Variants in VPS8 observed in about 807,000 individuals in gnomAD.
VPS8 encodes the protein vacuolar protein sorting-associated protein 8 homolog.
VPS8 carries 129 observed loss-of-function variants against 216.4 expected under a neutral mutation model. That is an observed-to-expected ratio of 0.60 (90% confidence interval 0.52 to 0.69). The LOEUF (loss-of-function observed/expected upper bound fraction) is 0.69, where lower values mean the gene tolerates loss of function less well. Ranked by LOEUF, VPS8 falls within the 30% of genes least tolerant of loss-of-function variation. The pLI, the probability that VPS8 is intolerant of heterozygous loss-of-function variation, is 0.00. For synonymous variants in VPS8, 571 were observed against 565.4 expected, an observed-to-expected ratio of 1.01 and a Z score of -0.14; for missense variants, 1,531 against 1,683.5, an observed-to-expected ratio of 0.91 and a Z score of 1.59.
In VPS8 at chr3:184,964,603, CTATT is replaced by C. The variant is rs758274021; in HGVS notation, c.3273+47_3273+50del. On this transcript the variant is annotated intron_variant, in intron 38 of 47. Coordinates refer to ENST00000625842, the MANE Select transcript of VPS8 (RefSeq NM_001009921.3). ...TTTCATCATATTTCTGTCTATTCCT[CTATT>C]CATTCATGAATCCATCTTAATTATG... 77 of 1,236,788 alleles carry C rather than the reference CTATT, an allele frequency of 6.2e-5. 1 individual carries two copies. The highest frequency in any genetic ancestry group is 6.6e-6 in the Non-Finnish European group (6 of 905,276). 76.6% of individuals were successfully genotyped at this position (1,236,788 alleles called of 1,614,324 possible). A position where few individuals can be genotyped will look rare whatever the true frequency, so the allele number is the denominator to read the frequency against.
intron 25 of VPS8, 193 bp downstream of exon 25, chr3:184,901,165 A>G: frequency 1.8e-6 from 1 of 569,680 alleles, no homozygotes; most frequent in Non-Finnish European, 3.1e-6. Flanking sequence ...TCCCCTTTGT[A>G]CTTGATCCTT....
At chr3:184,888,479 A>G (rs1173539218) in intron 22 of VPS8, among the ~76,000 whole-genome samples, 2 of 152,096 alleles carry the variant, frequency 1.3e-5, no homozygotes, top group African/African-American at 4.8e-5. Flanking sequence ...TGCTAACCTG[A>G]CCCTATCTTT....
chr3:184,950,216 CTTTTTTTTTTTTTT>C (rs10700220), intron 36 of VPS8, among the ~76,000 whole-genome samples: 2 of 39,930 alleles, frequency 5.0e-5, no homozygotes, highest in African/African-American at 1.0e-4. Flanking sequence ...CAGTTTTCTG[CTTTTTTTTTTTTTT>C]TTTTTTTTTT....
intron 6 of VPS8, chr3:184,839,397 G>A (rs1450406440): frequency 1.6e-5 from 5 of 304,508 alleles, no homozygotes; most frequent in Non-Finnish European, 3.0e-5. Flanking sequence ...ACTTTGCCTG[G>A]ATCCCTGATT....
intron 21 of VPS8, among the ~76,000 whole-genome samples, chr3:184,881,443 G>C (rs937006979): frequency 3.3e-5 from 5 of 152,020 alleles, no homozygotes; most frequent in African/African-American, 1.2e-4. Context: ...TACCAGCTTT[G>C]TCAAAAATCA....
At chr3:184,951,649 G>A (rs575857809) in intron 36 of VPS8, among the ~76,000 whole-genome samples, 11 of 152,192 alleles carry the variant, frequency 7.2e-5, no homozygotes, top group Non-Finnish European at 1.5e-4. Flanking sequence ...CAGGGTTTGT[G>A]TGTGTGTTTC....
rs1165255623 is a variant in VPS8, at chr3:185,026,701, C to CTT, written c.4056+2336_4056+2337dup. Among the ~76,000 whole-genome samples, 727 of 85,908 alleles carry CTT rather than the reference C, an allele frequency of 8.5e-3. 2 individuals carry two copies. Among genetic ancestry groups the CTT allele is most frequent in the Non-Finnish European group, 0.01 (449 of 44,224 alleles). 56.4% of individuals were successfully genotyped at this position (85,908 alleles called of 152,430 possible). A position where few individuals can be genotyped will look rare whatever the true frequency, so the allele number is the denominator to read the frequency against. On this transcript the variant is annotated intron_variant, in intron 46 of 47. Coordinates refer to ENST00000625842, the MANE Select transcript of VPS8 (RefSeq NM_001009921.3). ...TGGGATTACAGGCATGAGCCACTGT[C>CTT]TTTTTTTTTTTTTTTTTTTTTTTTT...
chr3:184,994,526 T>C (rs1752363271), intron 43 of VPS8, among the ~76,000 whole-genome samples: 1 of 151,620 alleles, frequency 6.6e-6, no homozygotes, highest in African/African-American at 2.4e-5. Flanking sequence ...TTAATTTGTG[T>C]ACACACACAC....
chr3:185,034,806 C>G (rs963558749), intron 46 of VPS8, among the ~76,000 whole-genome samples: 1 of 151,916 alleles, frequency 6.6e-6, no homozygotes, highest in South Asian at 2.1e-4. Context: ...ATGAATGAAA[C>G]CAAGACTTGA....
At position 184,853,980 on chromosome 3, in the gene VPS8, T is replaced by C; in HGVS notation, c.945T>C (p.Phe315=). ...TGAAAGATCATCCCATCACACAGTT[T>C]TCATTATTGGCCATGGCATCCTTGA... ...PELKDHPITQ[F]SLLAMASLTK... The change falls in exon 12 of 48, where the codon TTT becomes TTC. Residue 315 remains phenylalanine, a synonymous_variant. Transcript: ENST00000625842. The C allele has an allele frequency of 1.2e-6, 2 of 1,613,736 alleles. No individual in the cohort carries two copies. The highest frequency in any genetic ancestry group is 4.5e-5 in the East Asian group (2 of 44,872).
At chr3:184,877,908 G>C (rs923827704) in intron 21 of VPS8, among the ~76,000 whole-genome samples, 5 of 152,170 alleles carry the variant, frequency 3.3e-5, no homozygotes, top group Non-Finnish European at 5.9e-5. Flanking sequence ...ACTGATTTGA[G>C]TTGCTAGCAG....
chr3:184,929,023 G>A (rs932050939), intron 32 of VPS8, among the ~76,000 whole-genome samples: 1 of 151,942 alleles, frequency 6.6e-6, no homozygotes, highest in Non-Finnish European at 1.5e-5. Flanking sequence ...TTTCTTATGT[G>A]ATACACTATT....
At chr3:185,040,439 C>T (rs1262107564) in intron 46 of VPS8, among the ~76,000 whole-genome samples, 1 of 152,154 alleles carries the variant, frequency 6.6e-6, no homozygotes, top group East Asian at 1.9e-4. Flanking sequence ...ATAGCTTAAT[C>T]CTTCTGTTAG....
intron 16 of VPS8, among the ~76,000 whole-genome samples, chr3:184,865,324 A>G (rs1339103552): frequency 1.3e-5 from 2 of 152,212 alleles, no homozygotes; most frequent in Non-Finnish European, 1.5e-5. Flanking sequence ...AATAAACTGT[A>G]TACGAATTGA....
intron 40 of VPS8, among the ~76,000 whole-genome samples, chr3:184,979,406 G>A (rs1411860190): frequency 6.6e-6 from 1 of 152,166 alleles, no homozygotes; most frequent in Non-Finnish European, 1.5e-5. Context: ...GAGTATTGAA[G>A]TCTCCCACTA....
intron 16 of VPS8, among the ~76,000 whole-genome samples, chr3:184,866,621 T>G (rs1367617926): frequency 6.6e-6 from 1 of 152,224 alleles, no homozygotes; most frequent in Admixed American, 6.5e-5. Flanking sequence ...AAGTTTATGA[T>G]CTATAGAAGC....
intron 40 of VPS8, among the ~76,000 whole-genome samples, chr3:184,977,888 T>TC (rs1333891147): frequency 2.7e-5 from 4 of 149,764 alleles, no homozygotes; most frequent in East Asian, 3.9e-4. Flanking sequence ...TTTTTTCTTT[T>TC]TTTTTTTTTT....
intron 40 of VPS8, among the ~76,000 whole-genome samples, chr3:184,973,321 G>A (rs2109657961): frequency 6.6e-6 from 1 of 152,076 alleles, no homozygotes; most frequent in Admixed American, 6.5e-5. Flanking sequence ...TAGTAAAATT[G>A]CATTAAATAA....
At chr3:185,022,530 A>C (rs1482056407) in intron 45 of VPS8, among the ~76,000 whole-genome samples, 1 of 152,168 alleles carries the variant, frequency 6.6e-6, no homozygotes, top group Non-Finnish European at 1.5e-5. Context: ...TTCTGTTTTT[A>C]ATGAATGTAT....
Sources: allele counts gnomAD v4.1 joint callset (sites outside exome capture counted in the v4.1 genomes callset), GRCh38; gene constraint gnomAD v4.1.1; transcripts MANE v1.5; gene names NCBI Gene and HGNC (gene_info 2026-07-23, HGNC 2026-07-21).